The following TMTC3 variants were observed in gnomAD, a reference collection of about 807,000 sequenced individuals.
TMTC3 encodes the protein transmembrane O-mannosyltransferase targeting cadherins 3, also known as protein O-mannosyl-transferase TMTC3.
In TMTC3, 52 loss-of-function variants were observed where a neutral mutation model predicts 92.2. The ratio of observed to expected loss-of-function variants is 0.56; its 90% confidence interval spans 0.45 to 0.71. TMTC3 has a LOEUF of 0.71. Among genes scored for constraint, TMTC3 ranks in the 30% least tolerant of loss-of-function variants. The pLI is 0.00. For missense variants in TMTC3, 896 were observed against 1,057.1 expected (o/e 0.85, Z 2.11); for synonymous variants, 339 against 363.3 (o/e 0.93, Z 0.76).
Position 88,195,700 on chromosome 12 carries a change from G to A in TMTC3, c.*51G>A. 1 of 1,469,216 alleles carries A rather than the reference G, an allele frequency of 6.8e-7. No individual in the cohort carries two copies. Among genetic ancestry groups the A allele is most frequent in the Non-Finnish European group, 9.1e-7 (1 of 1,095,018 alleles). 91.0% of individuals were successfully genotyped at this position (1,469,216 alleles called of 1,614,324 possible). ...ATCAAAGAACATCAATCCGTATCATGTGATTGCTTTTACTGGGAGCTTTGA... is the reference window on the plus strand; with the variant it reads ...ATCAAAGAACATCAATCCGTATCATATGATTGCTTTTACTGGGAGCTTTGA... On this transcript the variant is annotated 3_prime_UTR_variant, in exon 14 of 14. Transcript: ENST00000266712.
chr12:88,150,281 G>C (rs2040926611), intron 2 of TMTC3, among the ~76,000 whole-genome samples: 1 of 152,144 alleles, frequency 6.6e-6, no homozygotes, highest in African/African-American at 2.4e-5. Context: ...TGAACAGCCA[G>C]CTCTCTCAAG....
At chr12:88,170,855 T>C (rs2041197304) in intron 7 of TMTC3, among the ~76,000 whole-genome samples, 1 of 152,208 alleles carries the variant, frequency 6.6e-6, no homozygotes, top group Non-Finnish European at 1.5e-5. Flanking sequence ...TAGTTTTTTA[T>C]GGGTGTATAA....
Position 88,190,698 on chromosome 12 carries a change from T to G in TMTC3, c.1706+76T>G, listed in dbSNP as rs1394412478. The G allele has an allele frequency of 6.1e-5, 88 of 1,434,578 alleles. 1 individual carries two copies. The highest frequency in any genetic ancestry group is 1.8e-4 in the Middle Eastern group (1 of 5,434). 88.9% of individuals were successfully genotyped at this position (1,434,578 alleles called of 1,614,324 possible). On this transcript the variant is annotated intron_variant, in intron 12 of 13. Coordinates refer to ENST00000266712, the MANE Select transcript of TMTC3 (RefSeq NM_181783.4). ...TCCATGTACATTTTGAATGAATTGG[T>G]TTTTTTTGAAAAAAAATTATGTTTT...
chr12:88,172,965 G>T (rs1193858141), intron 8 of TMTC3: 41 of 1,440,036 alleles, frequency 2.8e-5, no homozygotes, highest in Admixed American at 4.1e-5. Flanking sequence ...TGATTTTACA[G>T]CCTGAGACAG....
Position 88,160,748 on chromosome 12 carries a change from A to G in TMTC3, c.694A>G (p.Met232Val). Residue 232 changes from methionine to valine, a missense_variant, in exon 6 of 14, where the codon ATG becomes GTG. Transcript: ENST00000266712. Reference sequence around the variant, plus strand: ...TGGAAAGGGTAGCATTCCATTTTCTATGCTGCAGACACTAGTAAAACTCAT... The same window carrying G: ...TGGAAAGGGTAGCATTCCATTTTCTGTGCTGCAGACACTAGTAAAACTCAT... ...LRGKGSIPFSMLQTLVKLIVL... is the reference protein window; with the variant it reads ...LRGKGSIPFSVLQTLVKLIVL... 9 of 1,613,630 alleles carry G rather than the reference A, an allele frequency of 5.6e-6. No individual in the cohort carries two copies. Among genetic ancestry groups the G allele is most frequent in the South Asian group, 1.1e-5 (1 of 91,058 alleles).
chr12:88,151,772 C>T (rs1376012656), intron 2 of TMTC3, among the ~76,000 whole-genome samples: 1 of 152,148 alleles, frequency 6.6e-6, no homozygotes, highest in Non-Finnish European at 1.5e-5. Flanking sequence ...CGAAGGGTTT[C>T]TAGAGTCCTT....
intron 12 of TMTC3, among the ~76,000 whole-genome samples, chr12:88,191,779 G>A (rs755668964): frequency 6.6e-5 from 10 of 151,396 alleles, no homozygotes; most frequent in Non-Finnish European, 1.0e-4. Flanking sequence ...GTGTGATCTC[G>A]GCTAACTGCT....
intron 6 of TMTC3, among the ~76,000 whole-genome samples, chr12:88,164,839 A>G (rs2041125856): frequency 6.6e-6 from 1 of 152,220 alleles, no homozygotes; most frequent in South Asian, 2.1e-4. Flanking sequence ...ATATTTTCAC[A>G]TAACTATCCT....
chr12:88,190,428 T>C, intron 11 of TMTC3, 25 bp from the exon 12 acceptor site: 1 of 1,605,058 alleles, frequency 6.2e-7, no homozygotes, highest in African/African-American at 1.3e-5. Flanking sequence ...TATCAAATCA[T>C]GAAAATGCCT....
At chr12:88,152,799 T>A (rs929196422) in intron 2 of TMTC3, among the ~76,000 whole-genome samples, 1 of 152,234 alleles carries the variant, frequency 6.6e-6, no homozygotes, top group Non-Finnish European at 1.5e-5. Flanking sequence ...ATTATGGAGA[T>A]GTTTTTCATA....
chr12:88,160,925 G>A (rs2041070666), intron 6 of TMTC3, 74 bp downstream of exon 6: 1 of 1,395,898 alleles, frequency 7.2e-7, no homozygotes. Flanking sequence ...AAATGTTGAA[G>A]AAAGTATTTT....
chr12:88,172,824 A>C lies in TMTC3; in HGVS notation c.1199+79A>C, dbSNP rs1019847621. The C allele has an allele frequency of 7.9e-6, 12 of 1,515,128 alleles. No homozygotes were observed. The Admixed American group carries it at 2.6e-4, about 32-fold the overall frequency. The allele number at this position is 1,515,128 out of a possible 1,614,324, so 93.9% of individuals were successfully genotyped here. On this transcript the variant is annotated intron_variant, in intron 8 of 13. Coordinates refer to ENST00000266712, the MANE Select transcript of TMTC3 (RefSeq NM_181783.4). ...ATTTTAAAATTTAAATATTTAGTTC[A>C]GTTTTCTAAGTCATGCTTTTGTATC...
At chr12:88,158,640 T>C (rs928170459) in intron 4 of TMTC3, among the ~76,000 whole-genome samples, 4 of 150,090 alleles carry the variant, frequency 2.7e-5, no homozygotes, top group African/African-American at 7.3e-5. Context: ...TTCAAAAATA[T>C]GTATTTCTAT....
intron 8 of TMTC3, chr12:88,173,186 A>G (rs1429823259): frequency 1.5e-5 from 15 of 968,670 alleles, no homozygotes; most frequent in Non-Finnish European, 2.0e-5. Flanking sequence ...TTTGTATCCT[A>G]GTTGCCTCAA....
intron 1 of TMTC3, among the ~76,000 whole-genome samples, chr12:88,145,377 T>C (rs1181500225): frequency 1.3e-5 from 2 of 152,204 alleles, no homozygotes. Context: ...GCAAAACAAT[T>C]TGCCTTAATA....
chr12:88,144,948 G>GT (rs1432914059), intron 1 of TMTC3, among the ~76,000 whole-genome samples: 1 of 152,166 alleles, frequency 6.6e-6, no homozygotes, highest in East Asian at 1.9e-4. Flanking sequence ...TGACAATGTT[G>GT]TAAGTGGCCT....
At chr12:88,192,020 TTTTTTTTC>T (rs2041448940) in intron 12 of TMTC3, among the ~76,000 whole-genome samples, 2 of 137,556 alleles carry the variant, frequency 1.5e-5, no homozygotes, top group African/African-American at 7.0e-5. Context: ...TTTTCTTTTT[TTTTTTTTC>T]TTTTTTTTTT....
intron 10 of TMTC3, among the ~76,000 whole-genome samples, chr12:88,177,739 A>G (rs141642722): frequency 1.5e-4 from 23 of 152,208 alleles, no homozygotes; most frequent in Admixed American, 9.8e-4. Context: ...ACCCCTGCAC[A>G]TTACTAAATA....
chr12:88,155,639 C>T (rs1372921360), intron 4 of TMTC3, among the ~76,000 whole-genome samples: 3 of 152,130 alleles, frequency 2.0e-5, no homozygotes, highest in Admixed American at 2.0e-4. Flanking sequence ...CTCATTTATA[C>T]ACTATTCTAT....
Sources: allele counts gnomAD v4.1 joint callset (sites outside exome capture counted in the v4.1 genomes callset), GRCh38; gene constraint gnomAD v4.1.1; transcripts MANE v1.5; gene names NCBI Gene and HGNC (gene_info 2026-07-23, HGNC 2026-07-21).